DCHS2: variants seen among roughly 807,000 people sequenced by gnomAD.
DCHS2 encodes protocadherin-23.
DCHS2 carries 142 observed loss-of-function variants against 182.4 expected under a neutral mutation model. The ratio of observed to expected loss-of-function variants is 0.78; its 90% confidence interval spans 0.68 to 0.89. DCHS2 has a LOEUF of 0.89. Ranked by LOEUF, DCHS2 falls within the 40% of genes least tolerant of loss-of-function variation. The probability of loss-of-function intolerance (pLI) is 0.00; values close to 1 mark genes in which losing one functional copy is unlikely to be tolerated. For synonymous variants in DCHS2, 1,740 were observed against 1,663.3 expected, an observed-to-expected ratio of 1.05 and a Z score of -1.12; for missense variants, 4,319 against 4,198.6, an observed-to-expected ratio of 1.03 and a Z score of -0.79.
Position 154,255,672 on chromosome 4 carries a change from T to A in DCHS2, c.6790-2A>T. The stretch of plus-strand genomic sequence containing the variant: ...ACTGTCCAAGTCGGTAGCAAAAACC[T>A]GTGAGGAACCGACTGTTTCATTAGA... On this transcript the variant is annotated splice_acceptor_variant, in intron 15 of 19. Transcript: ENST00000357232. LOFTEE classifies it high-confidence loss of function. 1.2e-6 allele frequency: 2 copies of A among 1,611,550 alleles called. No individual in the cohort carries two copies. The highest frequency in any genetic ancestry group is 1.7e-6 in the Non-Finnish European group (2 of 1,178,884).
chr4:154,410,459 T>C (rs953649760), intron 1 of DCHS2, among the ~76,000 whole-genome samples: 1 of 95,716 alleles, frequency 1.0e-5, no homozygotes, highest in African/African-American at 4.4e-5. Context: ...ATTTTGAAAA[T>C]ACCCAGAGGG....
At chr4:154,405,625 A>G (rs913407027) in intron 1 of DCHS2, among the ~76,000 whole-genome samples, 3 of 152,086 alleles carry the variant, frequency 2.0e-5, no homozygotes, top group Non-Finnish European at 4.4e-5. Flanking sequence ...TTCAGATATT[A>G]TCCTTTTCAT....
At chr4:154,415,696 G>A (rs1732803376) in intron 1 of DCHS2, among the ~76,000 whole-genome samples, 1 of 152,100 alleles carries the variant, frequency 6.6e-6, no homozygotes, top group Non-Finnish European at 1.5e-5. Flanking sequence ...TCAGTAAGAT[G>A]GAGCTAATTA....
At chr4:154,482,685 T>C (rs144163565) in intron 1 of DCHS2, among the ~76,000 whole-genome samples, 1,645 of 152,222 alleles carry the variant, frequency 0.011, 23 homozygotes, top group South Asian at 0.04. Context: ...AATGGAGTGA[T>C]TGAGAATCCA....
intron 12 of DCHS2, among the ~76,000 whole-genome samples, chr4:154,304,158 G>A (rs1432766756): frequency 6.6e-6 from 1 of 151,102 alleles, no homozygotes; most frequent in Non-Finnish European, 1.5e-5. Context: ...ACAGAGACTG[G>A]ATGAAATGAC....
intron 12 of DCHS2, among the ~76,000 whole-genome samples, chr4:154,300,063 A>G (rs1454534603): frequency 6.6e-6 from 1 of 152,174 alleles, no homozygotes; most frequent in African/African-American, 2.4e-5. Flanking sequence ...TTTTGGGGAG[A>G]GTGTTCTATG....
At chr4:154,298,924 A>G in intron 12 of DCHS2, 1 of 486,426 alleles carries the variant, frequency 2.1e-6, no homozygotes, top group Non-Finnish European at 3.3e-6. Flanking sequence ...ACAGAATAAT[A>G]TGATTCAATG....
intron 3 of DCHS2, among the ~76,000 whole-genome samples, chr4:154,341,103 T>G (rs923171540): frequency 5.9e-5 from 9 of 152,090 alleles, no homozygotes; most frequent in African/African-American, 1.9e-4. Context: ...GCGCGGTGGC[T>G]CACGCTTGTA....
At chr4:154,486,652 G>T in intron 1 of DCHS2, 1 of 800,802 alleles carries the variant, frequency 1.2e-6, no homozygotes, top group Non-Finnish European at 1.7e-6. Flanking sequence ...GGGGGAGTTG[G>T]TTTTTGCAAA....
chr4:154,381,124 C>A (rs1339260146), intron 1 of DCHS2, among the ~76,000 whole-genome samples: 1 of 152,020 alleles, frequency 6.6e-6, no homozygotes, highest in Non-Finnish European at 1.5e-5. Flanking sequence ...TTTATCCCTA[C>A]GTCTACTTAT....
At chr4:154,336,247 T>G (rs1001261274) in intron 3 of DCHS2, among the ~76,000 whole-genome samples, 2 of 152,152 alleles carry the variant, frequency 1.3e-5, no homozygotes, top group African/African-American at 4.8e-5. Flanking sequence ...ATGGCTAAGT[T>G]GGGAAGAGAT....
chr4:154,384,889 G>A (rs548541545), intron 1 of DCHS2, among the ~76,000 whole-genome samples: 9 of 126,610 alleles, frequency 7.1e-5, no homozygotes, highest in East Asian at 3.4e-4. Context: ...AATAATTTCC[G>A]CTGTTTTTTT....
chr4:154,340,314 A>G (rs1729005753), intron 3 of DCHS2, among the ~76,000 whole-genome samples: 3 of 152,238 alleles, frequency 2.0e-5, no homozygotes, highest in African/African-American at 7.2e-5. Flanking sequence ...TATAATAAAC[A>G]AACTCTGGAG....
chr4:154,469,229 A>G (rs1735361470), intron 1 of DCHS2, among the ~76,000 whole-genome samples: 1 of 152,078 alleles, frequency 6.6e-6, no homozygotes, highest in Admixed American at 6.6e-5. Context: ...TCTTCTCAAT[A>G]TAAAAATTTC....
intron 1 of DCHS2, among the ~76,000 whole-genome samples, chr4:154,441,733 CT>C (rs200683519): frequency 2.8e-4 from 32 of 114,838 alleles, no homozygotes; most frequent in African/African-American, 6.2e-4. Context: ...ATTTATTAGG[CT>C]TTTTTTTTAA....
At chr4:154,450,337 G>T (rs567524993) in intron 1 of DCHS2, among the ~76,000 whole-genome samples, 3 of 152,290 alleles carry the variant, frequency 2.0e-5, no homozygotes, top group African/African-American at 7.2e-5. Context: ...GTTTCAGGTG[G>T]ACTGGAATTC....
At chr4:154,428,614 T>C (rs1366054597) in intron 1 of DCHS2, among the ~76,000 whole-genome samples, 1 of 151,536 alleles carries the variant, frequency 6.6e-6, no homozygotes, top group South Asian at 2.1e-4. Flanking sequence ...TTGAGGCCAA[T>C]GAAAATGAAA....
chr4:154,470,487 CA>C (rs11404069), intron 1 of DCHS2, among the ~76,000 whole-genome samples: 21 of 143,288 alleles, frequency 1.5e-4, no homozygotes, highest in Admixed American at 1.4e-4. Flanking sequence ...GACCCTGTCT[CA>C]AAAAAAAAAA....
At chr4:154,482,552 G>A (rs1485899869) in intron 1 of DCHS2, among the ~76,000 whole-genome samples, 6 of 152,190 alleles carry the variant, frequency 3.9e-5, no homozygotes, top group Admixed American at 6.5e-5. Flanking sequence ...GGACATTGAG[G>A]AAAGAAGTGA....
Sources: allele counts gnomAD v4.1 joint callset (sites outside exome capture counted in the v4.1 genomes callset), GRCh38; gene constraint gnomAD v4.1.1; transcripts MANE v1.5; gene names NCBI Gene and HGNC (gene_info 2026-07-23, HGNC 2026-07-21).